Variants in VDAC1 observed in about 807,000 individuals in gnomAD.
VDAC1 encodes the protein non-selective voltage-gated ion channel VDAC1.
A neutral mutation model predicts 34.7 loss-of-function variants in VDAC1; 10 were observed. The observed-to-expected ratio is 0.29, with a 90% CI of 0.18 to 0.49. VDAC1 has a LOEUF of 0.49. Ranked by LOEUF, VDAC1 falls within the 20% of genes least tolerant of loss-of-function variation. VDAC1 has a pLI of 0.99. For missense variants in VDAC1, 230 were observed against 347.9 expected (o/e 0.66, Z 2.69); for synonymous variants, 130 against 136.0 (o/e 0.96, Z 0.30).
chr5:134,065,995 A>AT, the VDAC1 span, among the ~76,000 whole-genome samples: 1 of 151,888 alleles, frequency 6.6e-6, no homozygotes, highest in Non-Finnish European at 1.5e-5. Context: ...GGGTCTCACC[A>AT]TGTTGGGCAG....
the VDAC1 span, among the ~76,000 whole-genome samples, chr5:134,091,284 C>T: frequency 6.6e-6 from 1 of 152,310 alleles, no homozygotes; most frequent in East Asian, 1.9e-4. Flanking sequence ...CCACCCACAT[C>T]CTTCCCCCTT....
chr5:133,977,267 G>C (rs1467619011), intron 6 of VDAC1, among the ~76,000 whole-genome samples: 1 of 152,138 alleles, frequency 6.6e-6, no homozygotes, highest in Non-Finnish European at 1.5e-5. Flanking sequence ...AATTCATCTC[G>C]TCCACCTGTG....
intron 5 of VDAC1, among the ~76,000 whole-genome samples, chr5:133,988,248 ATTT>A (rs1014077608): frequency 1.3e-5 from 2 of 151,990 alleles, no homozygotes; most frequent in African/African-American, 4.8e-5. Context: ...TTTTTGCCAC[ATTT>A]TTTTCTAAGT....
chr5:134,055,593 T>TGTTTTTTTTTTTGTTTTTG, the VDAC1 span, among the ~76,000 whole-genome samples: 7 of 33,966 alleles, frequency 2.1e-4, no homozygotes, highest in African/African-American at 4.9e-4. Flanking sequence ...CTAATGTTTT[T>TGTTTTTTTTTTTGTTTTTG]TTTTTTTTTT....
the VDAC1 span, among the ~76,000 whole-genome samples, chr5:134,073,910 A>G: frequency 6.6e-6 from 1 of 152,220 alleles, no homozygotes; most frequent in African/African-American, 2.4e-5. Flanking sequence ...AGACACATCC[A>G]ACCAATAACC....
At chr5:134,039,520 G>A in the VDAC1 span, among the ~76,000 whole-genome samples, 10 of 15,928 alleles carry the variant, frequency 6.3e-4, no homozygotes, top group Admixed American at 2.3e-3. Flanking sequence ...AGTAGAGACG[G>A]GGGTTTCACC....
At chr5:134,016,699 G>GAAAAAT in the VDAC1 span, among the ~76,000 whole-genome samples, 1 of 152,146 alleles carries the variant, frequency 6.6e-6, no homozygotes, top group Non-Finnish European at 1.5e-5. Flanking sequence ...ATGAAAAATA[G>GAAAAAT]AAAAATAAAA....
the VDAC1 span, among the ~76,000 whole-genome samples, chr5:134,045,991 CTTTTT>C: frequency 0.011 from 1,574 of 143,978 alleles, 25 homozygotes; most frequent in African/African-American, 0.038. Flanking sequence ...GGCAATTCTT[CTTTTT>C]TTTTTTTTCC....
At chr5:134,098,871 C>T in the VDAC1 span, among the ~76,000 whole-genome samples, 3 of 152,216 alleles carry the variant, frequency 2.0e-5, no homozygotes, top group East Asian at 3.8e-4. Context: ...GGAAAACAAA[C>T]CAGCTCAGCT....
intron 5 of VDAC1, among the ~76,000 whole-genome samples, chr5:133,990,622 T>C (rs1753070232): frequency 6.6e-6 from 1 of 152,212 alleles, no homozygotes; most frequent in African/African-American, 2.4e-5. Flanking sequence ...AGAAATCGTT[T>C]GTTGGGTAAA....
chr5:134,066,688 A>G, the VDAC1 span, among the ~76,000 whole-genome samples: 2 of 152,204 alleles, frequency 1.3e-5, no homozygotes, highest in African/African-American at 2.4e-5. Flanking sequence ...GTCATCTTCA[A>G]TACACAGCTT....
the VDAC1 span, among the ~76,000 whole-genome samples, chr5:134,111,606 G>A: frequency 1.3e-5 from 2 of 152,068 alleles, no homozygotes; most frequent in South Asian, 2.1e-4. Context: ...GCCAGCAAAG[G>A]TCTTGGGCCC....
the VDAC1 span, among the ~76,000 whole-genome samples, chr5:134,055,179 G>A: frequency 6.6e-6 from 1 of 152,212 alleles, no homozygotes; most frequent in Admixed American, 6.5e-5. Flanking sequence ...GGGAGATGGG[G>A]CAGGTGGCCC....
the VDAC1 span, among the ~76,000 whole-genome samples, chr5:134,099,230 A>G: frequency 6.6e-5 from 10 of 152,154 alleles, no homozygotes; most frequent in Non-Finnish European, 1.5e-5. Context: ...GCCATCAAAA[A>G]AAGCCAGCAT....
At chr5:134,038,304 G>A in the VDAC1 span, among the ~76,000 whole-genome samples, 6 of 152,158 alleles carry the variant, frequency 3.9e-5, no homozygotes, top group Non-Finnish European at 8.8e-5. Context: ...GGGAAAGAGT[G>A]CCCCAGGCAA....
At chr5:134,102,368 C>A in the VDAC1 span, among the ~76,000 whole-genome samples, 88 of 148,920 alleles carry the variant, frequency 5.9e-4, no homozygotes, top group African/African-American at 2.0e-3. Flanking sequence ...TTTCCACCTG[C>A]ATTTTAAAAA....
chr5:133,984,765 A>G (rs187105855), intron 5 of VDAC1, among the ~76,000 whole-genome samples: 54 of 151,878 alleles, frequency 3.6e-4, no homozygotes, highest in African/African-American at 1.2e-3. Context: ...GCAAAATTCC[A>G]TCTCTACTAA....
At chr5:134,064,715 C>CT in the VDAC1 span, among the ~76,000 whole-genome samples, 114,435 of 147,044 alleles carry the variant, frequency 0.78, 44,883 homozygotes, top group African/African-American at 0.9. Context: ...TCTGTAACTT[C>CT]TTTTTTTTTT....
chr5:133,975,503 C>T (rs2126896920), intron 7 of VDAC1, among the ~76,000 whole-genome samples: 1 of 151,482 alleles, frequency 6.6e-6, no homozygotes, highest in Admixed American at 6.6e-5. Flanking sequence ...CTCTGTCACC[C>T]AGGCTGGAGT....
Sources: allele counts gnomAD v4.1 joint callset (sites outside exome capture counted in the v4.1 genomes callset), GRCh38; gene constraint gnomAD v4.1.1; transcripts MANE v1.5; gene names NCBI Gene and HGNC (gene_info 2026-07-23, HGNC 2026-07-21).